Variants in DCDC2 observed in about 807,000 individuals in gnomAD.
The protein encoded by DCDC2 is doublecortin domain-containing protein 2.
A neutral mutation model predicts 50.2 loss-of-function variants in DCDC2; 40 were observed. That is an observed-to-expected ratio of 0.80 (90% CI 0.62 to 1.04). DCDC2 has a LOEUF of 1.04. DCDC2 is among the 50% of genes least tolerant of loss of function. The pLI is 0.00. For missense variants in DCDC2, 570 were observed against 581.9 expected, an observed-to-expected ratio of 0.98 and a Z score of 0.21; for synonymous variants, 234 against 210.6, an observed-to-expected ratio of 1.11 and a Z score of -0.96.
chr6:24,235,321 CT>C (rs1177694719), intron 7 of DCDC2, among the ~76,000 whole-genome samples: 2 of 152,182 alleles, frequency 1.3e-5, no homozygotes, highest in African/African-American at 4.8e-5. Context: ...GAAAGATCCT[CT>C]TTTACTTATT....
the DCDC2 span, among the ~76,000 whole-genome samples, chr6:24,381,666 G>A: frequency 4.0e-5 from 6 of 151,856 alleles, no homozygotes; most frequent in East Asian, 1.2e-3. Flanking sequence ...ATTTAAAAGC[G>A]GGGTGCCATG....
intron 6 of DCDC2, among the ~76,000 whole-genome samples, chr6:24,287,688 C>T (rs1360602134): frequency 6.6e-6 from 1 of 152,204 alleles, no homozygotes; most frequent in Admixed American, 6.5e-5. Flanking sequence ...AAGGTCCTCT[C>T]CCCTCATCTA....
At chr6:24,325,071 A>G (rs1404047632) in intron 2 of DCDC2, among the ~76,000 whole-genome samples, 2 of 152,128 alleles carry the variant, frequency 1.3e-5, no homozygotes, top group Non-Finnish European at 2.9e-5. Flanking sequence ...ACCACAGAGA[A>G]TGCCTTGGAA....
rs59837095 is a variant in DCDC2 at position 24,173,021 on chromosome 6, A to AT, written c.*1708_*1709insA. Reference sequence around the variant, plus strand: ...AATAATAATAATAATAATAATAATAAAGATCAATTGGTCTATTTGCCTACC... The same window carrying AT: ...AATAATAATAATAATAATAATAATAATAGATCAATTGGTCTATTTGCCTACC... On this transcript the variant is annotated 3_prime_UTR_variant, in exon 10 of 10. Coordinates refer to ENST00000378454, the MANE Select transcript of DCDC2 (RefSeq NM_016356.5). 7 of 150,602 alleles carry AT rather than the reference A, an allele frequency of 4.6e-5. 1 individual carries two copies. The highest frequency in any genetic ancestry group is 2.7e-4 in the Admixed American group (4 of 15,088). 9.3% of individuals were successfully genotyped at this position (150,602 alleles called of 1,614,324 possible). A position where few individuals can be genotyped will look rare whatever the true frequency, so the allele number is the denominator to read the frequency against.
chr6:24,193,887 T>C (rs1000003499), intron 8 of DCDC2, among the ~76,000 whole-genome samples: 4 of 152,094 alleles, frequency 2.6e-5, no homozygotes, highest in African/African-American at 7.2e-5. Flanking sequence ...AGAATGTTAA[T>C]AAATCAAAAC....
chr6:24,199,101 T>G (rs139635453), intron 8 of DCDC2, among the ~76,000 whole-genome samples: 3,244 of 152,246 alleles, frequency 0.021, 106 homozygotes, highest in African/African-American at 0.069. Context: ...ACTTAAACAT[T>G]CCTGCCTGCT....
At chr6:24,320,596 T>G (rs1212777605) in intron 2 of DCDC2, among the ~76,000 whole-genome samples, 1 of 152,138 alleles carries the variant, frequency 6.6e-6, no homozygotes, top group Non-Finnish European at 1.5e-5. Context: ...CATCCCAAAG[T>G]GCTGGGATTA....
chr6:24,220,808 C>A (rs527447357), intron 7 of DCDC2, among the ~76,000 whole-genome samples: 1 of 77,792 alleles, frequency 1.3e-5, no homozygotes, highest in Admixed American at 1.4e-4. Context: ...CTTACAATCA[C>A]GGCAGAAAGC....
chr6:24,223,503 A>G lies in DCDC2; in HGVS notation c.923-18401T>C, dbSNP rs1211113378. On this transcript the variant is annotated intron_variant, in intron 7 of 9. Transcript: ENST00000378454. ...ATTTTGTGAGACTCATGCAGGTTGC[A>G]ACAATTTTACTTTAACTTTGGAAAG... 2.0e-5 allele frequency among the ~76,000 whole-genome samples: 3 copies of G among 152,220 alleles called. No homozygotes were observed. In the East Asian group the frequency reaches 5.8e-4, roughly 29 times the overall value.
At chr6:24,334,979 A>G (rs894308404) in intron 2 of DCDC2, among the ~76,000 whole-genome samples, 5 of 152,176 alleles carry the variant, frequency 3.3e-5, no homozygotes, top group Non-Finnish European at 7.3e-5. Flanking sequence ...ACCACAATCA[A>G]TGGATTTTAT....
intron 4 of DCDC2, among the ~76,000 whole-genome samples, chr6:24,295,693 A>G (rs1004484414): frequency 2.0e-5 from 3 of 152,194 alleles, no homozygotes; most frequent in Admixed American, 2.0e-4. Context: ...CAAGCTGAGC[A>G]CCATATCAGG....
At chr6:24,295,405 CAGAAG>C (rs1228330171) in intron 4 of DCDC2, among the ~76,000 whole-genome samples, 1 of 152,248 alleles carries the variant, frequency 6.6e-6, no homozygotes, top group African/African-American at 2.4e-5. Flanking sequence ...TGAAAACCAG[CAGAAG>C]AAAGAGATGC....
At chr6:24,203,962 G>A (rs2113760743) in intron 8 of DCDC2, among the ~76,000 whole-genome samples, 1 of 152,280 alleles carries the variant, frequency 6.6e-6, no homozygotes, top group African/African-American at 2.4e-5. Context: ...CACTTAGAAT[G>A]GCAATCATTA....
intron 8 of DCDC2, among the ~76,000 whole-genome samples, chr6:24,182,048 C>G (rs1012725054): frequency 1.3e-5 from 2 of 152,172 alleles, no homozygotes; most frequent in Non-Finnish European, 2.9e-5. Context: ...AGGGTGCCAA[C>G]ACCATTCAGT....
chr6:24,176,551 A>G (rs1029737059), intron 9 of DCDC2, among the ~76,000 whole-genome samples: 2 of 152,230 alleles, frequency 1.3e-5, no homozygotes, highest in Admixed American at 6.5e-5. Context: ...GTTTTGAAAT[A>G]TGTATCCATT....
chr6:24,353,335 A>C lies in DCDC2; in HGVS notation c.348+234T>G, dbSNP rs754985509. On this transcript the variant is annotated intron_variant, in intron 2 of 9. Transcript: ENST00000378454. ...GAACATGTAGCTAGAAAAGAGAAAA[A>C]TATGTTTTGTCTAATCTTGACATAT... is the stretch of plus-strand genomic sequence containing the variant. 6.8e-6 allele frequency: 4 copies of C among 590,382 alleles called. No individual in the cohort carries two copies. The African/African-American group carries it at 7.4e-5, about 11-fold the overall frequency. The allele number at this position is 590,382 out of a possible 1,614,324, so 36.6% of individuals were successfully genotyped here.
At position 24,251,411 on chromosome 6, in the gene DCDC2, C is replaced by T. The variant is rs1217114170; in HGVS notation, c.922+26638G>A. The stretch of plus-strand genomic sequence containing the variant: ...TTACTTTAGAGATTATAAGTTTGGA[C>T]AGCAATGTTAGGTTACCTTGGCTTC... On this transcript the variant is annotated intron_variant, in intron 7 of 9. Coordinates refer to ENST00000378454, the MANE Select transcript of DCDC2 (RefSeq NM_016356.5). 7.2e-5 allele frequency among the ~76,000 whole-genome samples: 11 copies of T among 152,178 alleles called. No individual in the cohort carries two copies. In the East Asian group the frequency reaches 1.9e-3, roughly 27 times the overall value.
Position 24,278,781 on chromosome 6 carries a change from A to G in DCDC2, c.760-570T>C, listed in dbSNP as rs139936533. On this transcript the variant is annotated intron_variant, in intron 6 of 9. Transcript: ENST00000378454. ...AATACCTTCGTAACAAGTTGTCGCT[A>G]TGGGTGTATAGATGTCATCCTACAA... Among the ~76,000 whole-genome samples, 174 of 152,276 alleles carry G rather than the reference A, an allele frequency of 1.1e-3. 1 individual carries two copies. The highest frequency in any genetic ancestry group is 4.0e-3 in the African/African-American group (165 of 41,546).
chr6:24,324,510 G>A (rs1400127414), intron 2 of DCDC2, among the ~76,000 whole-genome samples: 1 of 152,182 alleles, frequency 6.6e-6, no homozygotes, highest in Non-Finnish European at 1.5e-5. Context: ...ATCAAAGTCT[G>A]TTCCCTATTT....
Sources: gnomAD v4.1 joint callset for allele counts (sites outside exome capture counted in the v4.1 genomes callset) on GRCh38, gnomAD v4.1.1 for gene constraint, MANE v1.5 for transcripts, NCBI Gene and HGNC (gene_info 2026-07-23, HGNC 2026-07-21) for gene names.